Variants in CASP6 observed in about 807,000 individuals in gnomAD.
CASP6 encodes caspase 6, also known as caspase-6.
In CASP6, 20 loss-of-function variants were observed where a neutral mutation model predicts 31.8. The ratio of observed to expected loss-of-function variants is 0.63; its 90% CI spans 0.44 to 0.91. The LOEUF (loss-of-function observed/expected upper bound fraction) is 0.91. CASP6 is among the 40% of genes least tolerant of loss of function. CASP6 has a pLI of 0.00. For synonymous variants in CASP6, 130 were observed against 127.8 expected, an observed-to-expected ratio of 1.02 and a Z score of -0.12; for missense variants, 328 against 361.1, an observed-to-expected ratio of 0.91 and a Z score of 0.74.
At chr4:109,679,516 C>G in the CASP6 span, among the ~76,000 whole-genome samples, 2 of 152,024 alleles carry the variant, frequency 1.3e-5, no homozygotes, top group Non-Finnish European at 2.9e-5. Flanking sequence ...AGTGGCAGCA[C>G]GTGCCTGGAA....
downstream of CASP6, among the ~76,000 whole-genome samples, chr4:109,684,011 G>C (rs1007024656): frequency 1.3e-5 from 2 of 151,358 alleles, no homozygotes; most frequent in African/African-American, 4.9e-5. Context: ...TTTTCCATAT[G>C]TCTGACCTCT....
chr4:109,682,873 A>C, the CASP6 span: 2 of 631,814 alleles, frequency 3.2e-6, no homozygotes, highest in South Asian at 4.3e-5. Context: ...AAAAACCTGT[A>C]AGTTCAGTGC....
the CASP6 span, chr4:109,673,701 TTGAAAATTTGGGGTA>T: frequency 2.1e-6 from 1 of 485,920 alleles, no homozygotes; most frequent in Non-Finnish European, 3.6e-6. Context: ...AAATGTGGAT[TTGAAAATTTGGGGTA>T]TGAAAATTAA....
At chr4:109,696,536 C>A in intron 3 of CASP6, 50 bp from the exon 4 acceptor site, 1 of 1,239,278 alleles carries the variant, frequency 8.1e-7, no homozygotes, top group South Asian at 1.3e-5. Context: ...TCAAAGTTGT[C>A]AAATACCCTT....
the CASP6 span, chr4:109,682,850 T>A: frequency 1.2e-6 from 1 of 809,850 alleles, no homozygotes. Context: ...AATTTTCTCC[T>A]TTACGCCTCA....
the CASP6 span, among the ~76,000 whole-genome samples, chr4:109,709,350 A>G: frequency 1.3e-5 from 2 of 152,202 alleles, no homozygotes; most frequent in Non-Finnish European, 2.9e-5. Flanking sequence ...ATAGACTGGA[A>G]TCCTACCAAG....
the CASP6 span, among the ~76,000 whole-genome samples, chr4:109,670,076 G>A: frequency 6.6e-6 from 1 of 152,190 alleles, no homozygotes; most frequent in Non-Finnish European, 1.5e-5. Context: ...AGTAAGTCTT[G>A]TAATTTTATG....
At chr4:109,684,305 G>T, downstream of CASP6, 1 of 580,092 alleles carries the variant, frequency 1.7e-6, no homozygotes, top group South Asian at 2.4e-5. Flanking sequence ...CTCGTGATCC[G>T]CCCACCTCGG....
chr4:109,670,950 C>T, the CASP6 span, among the ~76,000 whole-genome samples: 1 of 152,146 alleles, frequency 6.6e-6, no homozygotes, highest in African/African-American at 2.4e-5. Context: ...AGCAATTTGT[C>T]AGTTACAGTT....
Position 109,690,862 on chromosome 4 carries a change from A to AG in CASP6, c.630dup (p.Ser211LeufsTer24), listed in dbSNP as rs891535356. The AG allele has an allele frequency of 2.5e-6, 4 of 1,610,430 alleles. No homozygotes were observed. The African/African-American group carries it at 4.0e-5, about 16-fold the overall frequency. On this transcript the variant is annotated frameshift_variant, in exon 6 of 7. Transcript: ENST00000265164. LOFTEE classifies it high-confidence loss of function. The stretch of plus-strand genomic sequence containing the variant: ...AAACACCACACACCTTCTGCAACAG[A>AG]GTAACACATGAGGAAGTCAGCTCCA...
chr4:109,703,861 C>T (rs1204960468), upstream of CASP6, among the ~76,000 whole-genome samples: 3 of 152,210 alleles, frequency 2.0e-5, no homozygotes, highest in Admixed American at 6.5e-5. Flanking sequence ...TACCGCTTAG[C>T]AGATACTGCC....
upstream of CASP6, among the ~76,000 whole-genome samples, chr4:109,707,298 C>T (rs1730640313): frequency 6.6e-6 from 1 of 151,936 alleles, no homozygotes; most frequent in Non-Finnish European, 1.5e-5. Context: ...TTCCCCAGTG[C>T]AAGTTACTTT....
upstream of CASP6, among the ~76,000 whole-genome samples, chr4:109,704,089 T>C (rs1188681047): frequency 6.6e-6 from 1 of 152,212 alleles, no homozygotes; most frequent in East Asian, 1.9e-4. Flanking sequence ...TCCACCGAAC[T>C]TTCCCTTCTC....
intron 6 of CASP6, among the ~76,000 whole-genome samples, chr4:109,690,261 C>T (rs1281672147): frequency 6.0e-5 from 9 of 150,314 alleles, no homozygotes; most frequent in African/African-American, 1.7e-4. Flanking sequence ...CACGCACGCA[C>T]GCAATGGCTC....
At chr4:109,682,559 G>C in the CASP6 span, 2 of 1,584,278 alleles carry the variant, frequency 1.3e-6, no homozygotes, top group Non-Finnish European at 1.7e-6. Context: ...TGACTGGCTT[G>C]TTTCCCTTGT....
the CASP6 span, among the ~76,000 whole-genome samples, chr4:109,679,424 T>A: frequency 6.6e-6 from 1 of 152,088 alleles, no homozygotes; most frequent in African/African-American, 2.4e-5. Flanking sequence ...GGCGGGCAGA[T>A]CACCTGAGGC....
chr4:109,692,980 G>A (rs1730123414), intron 5 of CASP6, among the ~76,000 whole-genome samples: 1 of 152,168 alleles, frequency 6.6e-6, no homozygotes, highest in South Asian at 2.1e-4. Context: ...GAAGCCTGGT[G>A]GAAGGTGACT....
At chr4:109,697,877 G>A in intron 2 of CASP6, 109 bp from the exon 3 acceptor site, 4 of 1,237,668 alleles carry the variant, frequency 3.2e-6, no homozygotes, top group East Asian at 2.4e-5. Flanking sequence ...TCCTTGCCAG[G>A]CTGATGTTCC....
At chr4:109,672,217 A>C in the CASP6 span, among the ~76,000 whole-genome samples, 1 of 152,162 alleles carries the variant, frequency 6.6e-6, no homozygotes, top group Non-Finnish European at 1.5e-5. Context: ...TCCAAGCCAG[A>C]TAAGGCTCTG....
Sources: allele counts gnomAD v4.1 joint callset (sites outside exome capture counted in the v4.1 genomes callset), GRCh38; gene constraint gnomAD v4.1.1; transcripts MANE v1.5; gene names NCBI Gene and HGNC (gene_info 2026-07-23, HGNC 2026-07-21).